NUP214: variants seen among roughly 807,000 people sequenced by gnomAD.
NUP214 encodes nuclear pore complex protein Nup214.
NUP214 carries 79 observed loss-of-function variants against 196.2 expected under a neutral mutation model. The ratio of observed to expected loss-of-function variants is 0.40; its 90% CI spans 0.34 to 0.49. The LOEUF (loss-of-function observed/expected upper bound fraction) is 0.49, where lower values mean the gene tolerates loss of function less well. Among genes scored for constraint, NUP214 ranks in the 20% least tolerant of loss-of-function variants. The pLI is 0.58. For synonymous variants in NUP214, 1,020 were observed against 990.5 expected (o/e 1.03, Z -0.56); for missense variants, 2,468 against 2,539.0 (o/e 0.97, Z 0.60).
chr9:131,231,016 G>A (rs1005128115), intron 34 of NUP214, among the ~76,000 whole-genome samples: 14 of 152,026 alleles, frequency 9.2e-5, no homozygotes, highest in African/African-American at 3.4e-4. Context: ...GTTAAAATTC[G>A]CCAGACATGG....
Position 131,151,749 on chromosome 9 carries a change from A to C in NUP214, c.2291A>C (p.Asp764Ala). 2 of 1,611,036 alleles carry C rather than the reference A, an allele frequency of 1.2e-6. No homozygotes were observed. The highest frequency in any genetic ancestry group is 1.7e-6 in the Non-Finnish European group (2 of 1,179,346). ...IKETTESLHG[D>A]ISSLKTTLLE... ...TACTTTTTCTAGTCGCTTCATGGAG[A>C]TATAAGTAGCCTGAAAACAACTTTA... The change falls in exon 17 of 36, where the codon GAT becomes GCT. Residue 764 changes from aspartate to alanine, a missense_variant. Around this residue, in one of 5 missense-constraint regions of NUP214, gnomAD observed 1,801 missense variants for 1,779.4 expected, o/e 1.01. Transcript: ENST00000359428.
intron 21 of NUP214, among the ~76,000 whole-genome samples, chr9:131,168,054 T>C (rs1832838527): frequency 6.6e-6 from 1 of 152,146 alleles, no homozygotes; most frequent in African/African-American, 2.4e-5. Context: ...CATGCCCAGA[T>C]AATTTTTTTA....
At chr9:131,147,351 C>T in intron 13 of NUP214, 139 bp from the exon 14 acceptor site, 1 of 659,948 alleles carries the variant, frequency 1.5e-6, no homozygotes, top group Non-Finnish European at 2.7e-6. Context: ...TGGTGGTCAT[C>T]ACTCTTTAAA....
chr9:131,169,730 C>A (rs1184756036), intron 21 of NUP214, among the ~76,000 whole-genome samples: 2 of 152,038 alleles, frequency 1.3e-5, no homozygotes, highest in African/African-American at 4.8e-5. Flanking sequence ...TCCATTGCAC[C>A]TACCTAACTC....
At position 131,232,641 on chromosome 9, in the gene NUP214, C is replaced by T; in HGVS notation, c.6239+333C>T. 2.3e-6 allele frequency: 1 copy of T among 439,788 alleles called. No individual in the cohort carries two copies. The highest frequency in any genetic ancestry group is 4.2e-6 in the Non-Finnish European group (1 of 237,660). The allele number at this position is 439,788 out of a possible 1,614,324, so 27.2% of individuals were successfully genotyped here. ...GTTTCTCAGAAGCTGCATGCTAACC[C>T]CTGGGCTCTGGGCCATCACCAGGTC... On this transcript the variant is annotated intron_variant, in intron 35 of 35. Transcript: ENST00000359428. The surrounding 1 kb of genome is among the most constrained non-coding windows in gnomAD (Gnocchi z 5.1).
At chr9:131,180,585 T>C (rs1024866635) in intron 24 of NUP214, among the ~76,000 whole-genome samples, 1 of 152,250 alleles carries the variant, frequency 6.6e-6, no homozygotes. Context: ...CTGCCATTGG[T>C]GTACTTTATG....
At chr9:131,190,645 A>C in intron 26 of NUP214, 1 of 514,598 alleles carries the variant, frequency 1.9e-6, no homozygotes, top group Non-Finnish European at 3.4e-6. Context: ...TGTTTTTCTG[A>C]TTGTAAAACT....
chr9:131,209,064 A>G (rs1310954283), intron 30 of NUP214, among the ~76,000 whole-genome samples: 2 of 151,934 alleles, frequency 1.3e-5, no homozygotes, highest in Non-Finnish European at 2.9e-5. Flanking sequence ...CTACATATAG[A>G]TAAACTTTGA....
At position 131,128,330 on chromosome 9, in the gene NUP214, A is replaced by G. The variant is rs1448107223; in HGVS notation, c.242-2A>G. On this transcript the variant is annotated splice_acceptor_variant, in intron 2 of 35. Transcript: ENST00000359428. LOFTEE classifies it high-confidence loss of function. ...CTGCTTTGTATTTTTTTGTTTTCAT[A>G]GTTGATAAAGTCCAAGGCTTGCTAG... 3 of 1,603,402 alleles carry G rather than the reference A, an allele frequency of 1.9e-6. No individual in the cohort carries two copies. In the South Asian group the frequency reaches 3.3e-5, roughly 18 times the overall value.
At chr9:131,160,898 A>G (rs999813081) in intron 18 of NUP214, among the ~76,000 whole-genome samples, 2 of 152,136 alleles carry the variant, frequency 1.3e-5, no homozygotes, top group Admixed American at 1.3e-4. Flanking sequence ...CTCCATGGGC[A>G]GTGGGGCCCC....
At chr9:131,159,230 G>A (rs912746615) in intron 17 of NUP214, 153 bp from the exon 18 acceptor site, 1 of 630,340 alleles carries the variant, frequency 1.6e-6, no homozygotes. Flanking sequence ...TAATTATATA[G>A]TTTTAAAAAT....
At chr9:131,230,346 A>G in intron 33 of NUP214, 1 of 439,390 alleles carries the variant, frequency 2.3e-6, no homozygotes, top group Non-Finnish European at 4.2e-6. Context: ...TGTGTACTGC[A>G]TAGTTCCCAA....
chr9:131,208,314 T>G (rs2131066841), intron 30 of NUP214, among the ~76,000 whole-genome samples: 4 of 152,264 alleles, frequency 2.6e-5, no homozygotes, highest in Admixed American at 2.6e-4. Flanking sequence ...AGCCAAAAGG[T>G]GGAAACAACC....
At chr9:131,229,971 A>G (rs999674225) in intron 33 of NUP214, 19 of 341,574 alleles carry the variant, frequency 5.6e-5, no homozygotes, top group African/African-American at 3.8e-4. Context: ...AGCTCTCCCC[A>G]ACCCAGCCGA....
intron 27 of NUP214, 92 bp downstream of exon 27, chr9:131,192,384 G>A (rs1366061481): frequency 5.2e-6 from 4 of 762,536 alleles, no homozygotes; most frequent in African/African-American, 1.8e-5. Flanking sequence ...CTTATTAAAT[G>A]TGTATGAACC....
intron 30 of NUP214, among the ~76,000 whole-genome samples, chr9:131,206,711 A>T (rs750866898): frequency 1.3e-5 from 2 of 152,142 alleles, no homozygotes; most frequent in Non-Finnish European, 2.9e-5. Flanking sequence ...CAAAGTGCTG[A>T]TGAGATTACA....
At chr9:131,150,290 C>G (rs1214959789) in intron 14 of NUP214, 34 bp from the exon 15 acceptor site, 1 of 1,589,378 alleles carries the variant, frequency 6.3e-7, no homozygotes, top group South Asian at 1.1e-5. Flanking sequence ...GAAGCTATGA[C>G]TTGCAGTTTT....
chr9:131,126,448 A>G (rs915421638), intron 1 of NUP214: 2 of 152,266 alleles, frequency 1.3e-5, no homozygotes, highest in Admixed American at 6.5e-5. Flanking sequence ...TCTGTTTTAA[A>G]TAGTGAAAAG....
At chr9:131,202,934 A>T (rs1444659286) in intron 30 of NUP214, among the ~76,000 whole-genome samples, 3 of 149,838 alleles carry the variant, frequency 2.0e-5, no homozygotes, top group Non-Finnish European at 3.0e-5. Flanking sequence ...TTATTTATTT[A>T]TATTTATTTA....
Sources: allele counts gnomAD v4.1 joint callset (sites outside exome capture counted in the v4.1 genomes callset), GRCh38; gene constraint gnomAD v4.1.1; regional missense constraint gnomAD v4.1.1; non-coding constraint Gnocchi (gnomAD v3.1); transcripts MANE v1.5; gene names NCBI Gene and HGNC (gene_info 2026-07-23, HGNC 2026-07-21).